LY96: variants seen among roughly 807,000 people sequenced by gnomAD.
The protein encoded by LY96 is myeloid differentiation protein-2.
In LY96, 18 loss-of-function variants were observed where a neutral mutation model predicts 18.9. That is an observed-to-expected ratio of 0.95 (90% CI 0.66 to 1.41). The LOEUF (loss-of-function observed/expected upper bound fraction) is 1.41. LY96 is among the 40% of genes most tolerant of loss of function. The pLI is 0.00. For missense variants in LY96, 175 were observed against 182.4 expected (o/e 0.96, Z 0.23); for synonymous variants, 66 against 62.6 (o/e 1.06, Z -0.26).
At chr8:73,992,836 CTGTGTGTGTGTGTGTGTGTGTG>C (rs34327741) in intron 1 of LY96, among the ~76,000 whole-genome samples, 1 of 141,782 alleles carries the variant, frequency 7.1e-6, no homozygotes, top group Non-Finnish European at 1.5e-5. Context: ...AATTATGCCA[CTGTGTGTGTGTGTGTGTGTGTG>C]TGTGTGTGTG....
the LY96 span, among the ~76,000 whole-genome samples, chr8:74,043,600 C>T: frequency 2.0e-5 from 3 of 152,014 alleles, no homozygotes; most frequent in African/African-American, 7.3e-5. Context: ...TTTAATTGGC[C>T]TTATCTGCTT....
At chr8:74,023,376 G>A (rs7838114) in intron 3 of LY96, among the ~76,000 whole-genome samples, 45,591 of 152,110 alleles carry the variant, frequency 0.3, 9,344 homozygotes, top group African/African-American at 0.59. Flanking sequence ...GCCCCACCCC[G>A]AAACAGGTAG....
chr8:74,041,239 T>TGA, the LY96 span, among the ~76,000 whole-genome samples: 1 of 152,240 alleles, frequency 6.6e-6, no homozygotes, highest in African/African-American at 2.4e-5. Flanking sequence ...TTAATACTTT[T>TGA]ATAATTTCTT....
the LY96 span, among the ~76,000 whole-genome samples, chr8:74,073,476 A>G: frequency 0.064 from 9,727 of 152,226 alleles, 844 homozygotes; most frequent in African/African-American, 0.19. Context: ...ATTCCAGAGC[A>G]CAGCCATGTA....
the LY96 span, chr8:74,056,330 C>A: frequency 2.9e-6 from 1 of 339,854 alleles, no homozygotes; most frequent in Non-Finnish European, 5.6e-6. Context: ...ATGCTCAGCA[C>A]CAACAGGTCT....
At chr8:74,071,207 T>C in the LY96 span, among the ~76,000 whole-genome samples, 11 of 151,476 alleles carry the variant, frequency 7.3e-5, 1 homozygote, top group African/African-American at 2.7e-4. Flanking sequence ...ATAGGAGACG[T>C]GGCAGGAAGT....
chr8:74,033,019 C>G (rs983948206), downstream of LY96, among the ~76,000 whole-genome samples: 3 of 152,232 alleles, frequency 2.0e-5, no homozygotes, highest in African/African-American at 7.2e-5. Flanking sequence ...ACAAAAATTT[C>G]TATTGCCCAC....
At chr8:74,053,170 TC>T in the LY96 span, among the ~76,000 whole-genome samples, 1 of 152,166 alleles carries the variant, frequency 6.6e-6, no homozygotes, top group Admixed American at 6.6e-5. Context: ...GAGCCCTGAC[TC>T]CTCCTCTACT....
At chr8:74,095,520 C>T in the LY96 span, among the ~76,000 whole-genome samples, 25 of 152,250 alleles carry the variant, frequency 1.6e-4, no homozygotes, top group South Asian at 1.7e-3. Context: ...TGAAACTGCT[C>T]GTGAAGGTCA....
chr8:73,994,900 G>A (rs374721673), intron 1 of LY96, among the ~76,000 whole-genome samples: 128 of 152,292 alleles, frequency 8.4e-4, no homozygotes, highest in Middle Eastern at 6.8e-3. Flanking sequence ...AGATCAAGGT[G>A]TCTGCATAAT....
the LY96 span, among the ~76,000 whole-genome samples, chr8:74,046,621 A>G: frequency 1.3e-5 from 2 of 152,202 alleles, no homozygotes; most frequent in Non-Finnish European, 1.5e-5. Context: ...TCTGATATTA[A>G]CAATAAGCAG....
At chr8:74,016,905 A>G (rs1586656874) in intron 3 of LY96, among the ~76,000 whole-genome samples, 1 of 152,338 alleles carries the variant, frequency 6.6e-6, no homozygotes, top group Non-Finnish European at 1.5e-5. Context: ...GTAGGTCACC[A>G]TCATCAAAGA....
the LY96 span, among the ~76,000 whole-genome samples, chr8:74,058,048 T>C: frequency 1.3e-5 from 2 of 152,278 alleles, no homozygotes; most frequent in Admixed American, 1.3e-4. Flanking sequence ...AGTAGTCCTG[T>C]TTGAAGAGGA....
At chr8:74,041,872 C>A in the LY96 span, among the ~76,000 whole-genome samples, 1 of 152,158 alleles carries the variant, frequency 6.6e-6, no homozygotes, top group Non-Finnish European at 1.5e-5. Context: ...AGCATGTGAT[C>A]TTTGTTCTTT....
intron 3 of LY96, among the ~76,000 whole-genome samples, chr8:74,020,278 GACAA>G (rs1235987650): frequency 2.0e-5 from 3 of 152,096 alleles, no homozygotes; most frequent in African/African-American, 2.4e-5. Flanking sequence ...ACCAATAACA[GACAA>G]ACAGAGAGCC....
At chr8:74,071,150 A>G in the LY96 span, among the ~76,000 whole-genome samples, 18,228 of 152,124 alleles carry the variant, frequency 0.12, 2,042 homozygotes, top group African/African-American at 0.3. Flanking sequence ...ACGTGGGCTT[A>G]TTAGCACCAT....
At chr8:74,032,504 C>T (rs7821563), downstream of LY96, among the ~76,000 whole-genome samples, 2 of 152,158 alleles carry the variant, frequency 1.3e-5, no homozygotes, top group South Asian at 4.1e-4. Flanking sequence ...TTACGTACCC[C>T]CTGCTTGCTC....
chr8:74,017,393 T>C (rs928319043), intron 3 of LY96, among the ~76,000 whole-genome samples: 3 of 152,142 alleles, frequency 2.0e-5, no homozygotes, highest in African/African-American at 7.2e-5. Flanking sequence ...CCAAGAAACA[T>C]GATACTATGT....
chr8:74,077,923 C>A, the LY96 span, among the ~76,000 whole-genome samples: 1 of 151,622 alleles, frequency 6.6e-6, no homozygotes, highest in Admixed American at 6.6e-5. Flanking sequence ...GCCTGGGAAA[C>A]GAAGCGAGAC....
Sources: allele counts gnomAD v4.1 joint callset (sites outside exome capture counted in the v4.1 genomes callset), GRCh38; gene constraint gnomAD v4.1.1; transcripts MANE v1.5; gene names NCBI Gene and HGNC (gene_info 2026-07-23, HGNC 2026-07-21).